The following NEXMIF variants were observed in gnomAD, a reference collection of about 807,000 sequenced individuals.
NEXMIF encodes neurite extension and migration factor.
NEXMIF carries 8 observed loss-of-function variants against 62.1 expected under a neutral mutation model. The observed-to-expected ratio is 0.13, with a 90% CI of 0.08 to 0.23. The LOEUF is 0.23. NEXMIF is among the 10% of genes least tolerant of loss of function. The pLI, the probability that NEXMIF is intolerant of heterozygous loss-of-function variation, is 1.00. For synonymous variants in NEXMIF, 404 were observed against 416.6 expected, an observed-to-expected ratio of 0.97 and a Z score of 0.37; for missense variants, 976 against 1,113.3, an observed-to-expected ratio of 0.88 and a Z score of 1.75.
chrX:74,899,784 G>C (rs2080743471), intron 1 of NEXMIF, among the ~76,000 whole-genome samples: 2 of 111,424 alleles, frequency 1.8e-5, no homozygotes, highest in South Asian at 7.6e-4. Context: ...AGTAATCTTG[G>C]GGGGAAAGAA....
At chrX:74,795,434 C>G (rs1041622793) in intron 1 of NEXMIF, among the ~76,000 whole-genome samples, 1 of 111,716 alleles carries the variant, frequency 9.0e-6, no homozygotes, top group East Asian at 2.8e-4. Context: ...GAAGCCATAC[C>G]CAAAGACTAC....
In NEXMIF at chrX:74,808,036, A is replaced by G. The variant is rs187041414; in HGVS notation, c.-47-62339T>C. Among the ~76,000 whole-genome samples the G allele has an allele frequency of 3.5e-3, 386 of 111,511 alleles. 2 individuals are homozygous for G. The highest frequency in any genetic ancestry group is 0.012 in the African/African-American group (369 of 30,680). On this transcript the variant is annotated intron_variant, in intron 1 of 3. Coordinates refer to ENST00000055682, the MANE Select transcript of NEXMIF (RefSeq NM_001008537.3). The stretch of plus-strand genomic sequence containing the variant: ...CTGCATCTATTGATATAATCTTATG[A>G]TTTTTTTCTGTTAATATGATGGATT...
chrX:74,796,701 C>G (rs1010785248), intron 1 of NEXMIF, among the ~76,000 whole-genome samples: 3 of 110,956 alleles, frequency 2.7e-5, no homozygotes, highest in African/African-American at 9.8e-5. Flanking sequence ...AAGGTAGTAT[C>G]GGATTAAAGC....
chrX:74,886,173 C>G (rs1441764278), intron 1 of NEXMIF, among the ~76,000 whole-genome samples: 36 of 111,621 alleles, frequency 3.2e-4, no homozygotes, highest in African/African-American at 1.1e-3. Context: ...CTATCTATGA[C>G]AAACCCACAG....
chrX:74,850,955 A>C (rs948108796), intron 1 of NEXMIF, among the ~76,000 whole-genome samples: 1 of 111,017 alleles, frequency 9.0e-6, no homozygotes, highest in Admixed American at 9.6e-5. Context: ...GAACCTCATA[A>C]ACAGCACAAA....
chrX:74,767,486 A>C (rs557794851), intron 1 of NEXMIF, among the ~76,000 whole-genome samples: 21 of 111,432 alleles, frequency 1.9e-4, no homozygotes, highest in African/African-American at 6.8e-4. Context: ...GTGAAGAGAA[A>C]CGGGATCCAG....
intron 1 of NEXMIF, among the ~76,000 whole-genome samples, chrX:74,773,314 T>C (rs776918648): frequency 8.9e-6 from 1 of 112,279 alleles, no homozygotes; most frequent in Non-Finnish European, 1.9e-5. Flanking sequence ...TAGTTATTAC[T>C]ATCTCCTTTA....
intron 1 of NEXMIF, among the ~76,000 whole-genome samples, chrX:74,867,846 C>A (rs1161770499): frequency 8.9e-6 from 1 of 112,035 alleles, no homozygotes; most frequent in Non-Finnish European, 1.9e-5. Context: ...AGTGAAGAGA[C>A]AACCTACAGA....
rs1336510318 is a variant in NEXMIF, at chrX:74,741,497, A to G, written c.3060T>C (p.Asp1020=). The G allele has an allele frequency of 8.3e-7, 1 of 1,211,452 alleles. No individual in the cohort carries two copies. The highest frequency in any genetic ancestry group is 1.7e-5 in the African/African-American group (1 of 57,778). ...SLKSCEKDGD[D]DITDDFLAHC... ...GGGCCAGGAAGTCATCAGTGATATC[A>G]TCATCGCCATCCTTTTCACAGGACT... The change falls in exon 3 of 4, where the codon GAT becomes GAC. Residue 1020 remains aspartate, a synonymous_variant. Transcript: ENST00000055682.
chrX:74,797,391 T>C (rs1341178987), intron 1 of NEXMIF, among the ~76,000 whole-genome samples: 1 of 112,161 alleles, frequency 8.9e-6, no homozygotes, highest in Non-Finnish European at 1.9e-5. Context: ...AATGTACAGA[T>C]GATAACATTA....
chrX:74,874,222 T>A (rs1199307337), intron 1 of NEXMIF, among the ~76,000 whole-genome samples: 1 of 109,903 alleles, frequency 9.1e-6, no homozygotes, highest in African/African-American at 3.3e-5. Context: ...GCTAGCCAGT[T>A]TTCCCAGCAC....
intron 1 of NEXMIF, among the ~76,000 whole-genome samples, chrX:74,850,218 G>C (rs1402655352): frequency 8.9e-6 from 1 of 112,235 alleles, no homozygotes; most frequent in Non-Finnish European, 1.9e-5. Flanking sequence ...ACACTCACCT[G>C]CATGTGTGAC....
intron 1 of NEXMIF, among the ~76,000 whole-genome samples, chrX:74,796,254 ATT>A (rs72119831): frequency 6.1e-5 from 3 of 49,154 alleles, no homozygotes; most frequent in Non-Finnish European, 1.1e-4. Flanking sequence ...ACACATATAT[ATT>A]ATATATATTA....
chrX:74,767,648 C>T (rs2080198691), intron 1 of NEXMIF, among the ~76,000 whole-genome samples: 1 of 111,614 alleles, frequency 9.0e-6, no homozygotes. Context: ...CCACTGACAG[C>T]TGGAAAACCC....
intron 1 of NEXMIF, among the ~76,000 whole-genome samples, chrX:74,811,343 C>T (rs912174547): frequency 7.2e-5 from 8 of 111,311 alleles, no homozygotes; most frequent in African/African-American, 2.6e-4. Context: ...CCTTTCCTTC[C>T]GCATTCCATC....
chrX:74,778,619 A>G (rs183239305), intron 1 of NEXMIF, among the ~76,000 whole-genome samples: 75 of 112,259 alleles, frequency 6.7e-4, no homozygotes, highest in African/African-American at 2.4e-3. Flanking sequence ...AGAGAGTTTA[A>G]GTAACTTTCT....
chrX:74,760,804 T>C (rs960178603), intron 1 of NEXMIF, among the ~76,000 whole-genome samples: 5 of 110,547 alleles, frequency 4.5e-5, no homozygotes, highest in South Asian at 3.9e-4. Context: ...GTGTTGATGA[T>C]TGATGCATCA....
intron 1 of NEXMIF, among the ~76,000 whole-genome samples, chrX:74,878,565 A>C (rs1018178081): frequency 8.9e-6 from 1 of 112,502 alleles, no homozygotes; most frequent in Non-Finnish European, 1.9e-5. Context: ...AGCCTGGGCA[A>C]TGGCAGGCGC....
intron 1 of NEXMIF, among the ~76,000 whole-genome samples, chrX:74,784,965 C>T (rs373557397): frequency 1.1e-4 from 12 of 111,393 alleles, no homozygotes; most frequent in African/African-American, 2.3e-4. Context: ...TACGCTTCCC[C>T]GGCAGAAAAC....
Sources: gnomAD v4.1 joint callset for allele counts (sites outside exome capture counted in the v4.1 genomes callset) on GRCh38, gnomAD v4.1.1 for gene constraint, MANE v1.5 for transcripts, NCBI Gene and HGNC (gene_info 2026-07-23, HGNC 2026-07-21) for gene names.